Variants in CDH23 observed in about 807,000 individuals in gnomAD.
The protein encoded by CDH23 is cadherin related 23, also known as cadherin-23.
A neutral mutation model predicts 317.1 loss-of-function variants in CDH23; 189 were observed. The observed-to-expected ratio is 0.60, with a 90% CI of 0.53 to 0.67. The LOEUF is 0.67. CDH23 is among the 30% of genes least tolerant of loss of function. The pLI, the probability that CDH23 is intolerant of heterozygous loss-of-function variation, is 0.00. For missense variants in CDH23, 4,401 were observed against 4,592.4 expected (o/e 0.96, Z 1.20); for synonymous variants, 1,839 against 1,876.8 (o/e 0.98, Z 0.52).
rs116129178 is a variant in CDH23, at chr10:71,631,444, G to A, written c.1135-12417G>A. ...CAAGAGGGAGCACTGATGACAGGAGGAAGATTGAGGCGAAGGAGGGAGTGG... is the reference window on the plus strand; with the variant it reads ...CAAGAGGGAGCACTGATGACAGGAGAAAGATTGAGGCGAAGGAGGGAGTGG... On this transcript the variant is annotated intron_variant, in intron 11 of 69. Transcript: ENST00000224721. 6.5e-3 allele frequency among the ~76,000 whole-genome samples: 984 copies of A among 152,338 alleles called. 2 individuals carry two copies. The highest frequency in any genetic ancestry group is 0.022 in the African/African-American group (931 of 41,582).
chr10:71,538,142 G>A (rs950316513), intron 6 of CDH23, among the ~76,000 whole-genome samples: 18 of 152,140 alleles, frequency 1.2e-4, no homozygotes, highest in Admixed American at 2.0e-4. Flanking sequence ...GGCCCTACCC[G>A]CCCCCACCAG....
chr10:71,579,444 C>T lies in CDH23; in HGVS notation c.832+1452C>T, dbSNP rs375139719. Reference sequence around the variant, plus strand: ...ACAGGACCTGGTGTAGCGTAAACCCCGATATGTACTTGCAAAATGAATGAA... The same window carrying T: ...ACAGGACCTGGTGTAGCGTAAACCCTGATATGTACTTGCAAAATGAATGAA... On this transcript the variant is annotated intron_variant, in intron 9 of 69. Transcript: ENST00000224721. Among the ~76,000 whole-genome samples, 8 of 152,094 alleles carry T rather than the reference C, an allele frequency of 5.3e-5. No homozygotes were observed. In the East Asian group the frequency reaches 1.2e-3, roughly 22 times the overall value.
intron 9 of CDH23, among the ~76,000 whole-genome samples, chr10:71,591,552 A>T (rs1032352079): frequency 5.9e-5 from 9 of 152,206 alleles, no homozygotes; most frequent in African/African-American, 2.2e-4. Flanking sequence ...ATGGCTGATG[A>T]ACTGGTTCTC....
chr10:71,615,255 G>A (rs1321954723), intron 9 of CDH23, among the ~76,000 whole-genome samples: 3 of 152,176 alleles, frequency 2.0e-5, no homozygotes, highest in African/African-American at 7.2e-5. Context: ...CCCTGGCTGG[G>A]TCACAGAGAC....
At chr10:71,790,695 T>C (rs1032863566) in intron 46 of CDH23, 31 of 501,004 alleles carry the variant, frequency 6.2e-5, no homozygotes, top group African/African-American at 5.6e-4. Context: ...CATCTCCCCA[T>C]GCGCAGGCCA....
At position 71,490,649 on chromosome 10, in the gene CDH23, G is replaced by A. The variant is rs117640791; in HGVS notation, c.146-19433G>A. 2.2e-4 allele frequency among the ~76,000 whole-genome samples: 34 copies of A among 152,358 alleles called. No homozygotes were observed. The East Asian group carries it at 6.5e-3, about 29-fold the overall frequency. On this transcript the variant is annotated intron_variant, in intron 3 of 69. Coordinates refer to ENST00000224721, the MANE Select transcript of CDH23 (RefSeq NM_022124.6). ...GGTCATTAGGGACAGCCAGGGCCTGGCTCAGAACAGGCCACCCTGATATCT... is the reference window on the plus strand; with the variant it reads ...GGTCATTAGGGACAGCCAGGGCCTGACTCAGAACAGGCCACCCTGATATCT...
At chr10:71,563,742 T>A (rs1263925355) in intron 6 of CDH23, among the ~76,000 whole-genome samples, 1 of 151,518 alleles carries the variant, frequency 6.6e-6, no homozygotes, top group Non-Finnish European at 1.5e-5. Flanking sequence ...TTTTTTTCTT[T>A]TTTCTTTTTT....
chr10:71,807,597 C>A lies in CDH23; in HGVS notation c.8390C>A (p.Ala2797Asp), dbSNP rs370532702. 1 of 1,614,002 alleles carries A rather than the reference C, an allele frequency of 6.2e-7. No individual in the cohort carries two copies. The highest frequency in any genetic ancestry group is 8.5e-7 in the Non-Finnish European group (1 of 1,179,878). ...CGGGACCTGGACCGGGAGCGAGAAG[C>A]CATCTTCTCCTTCATCGTCAAGGCC... ...VLRDLDREREAIFSFIVKASS... is the reference protein window; with the variant it reads ...VLRDLDREREDIFSFIVKASS... Residue 2797 changes from alanine (A) to aspartate (D), a missense_variant, in exon 59 of 70, where the codon GCC (alanine) becomes GAC (aspartate). Physicochemically the swap from Ala to Asp is moderately radical, Grantham distance 126. Around this residue, in one of 3 missense-constraint regions of CDH23, gnomAD observed 1,144 missense variants for 1,138.2 expected, o/e 1.01. Transcript: ENST00000224721.
intron 6 of CDH23, among the ~76,000 whole-genome samples, chr10:71,528,553 G>C (rs535695955): frequency 1.3e-5 from 2 of 152,252 alleles, no homozygotes; most frequent in African/African-American, 4.8e-5. Flanking sequence ...CCTCATCGGA[G>C]CGTTATGATA....
chr10:71,702,098 GC>G lies in CDH23; in HGVS notation c.2476del (p.Leu826SerfsTer27), dbSNP rs1865609793. The G allele has an allele frequency of 6.8e-6, 11 of 1,613,982 alleles. No homozygotes were observed. Among genetic ancestry groups the G allele is most frequent in the Non-Finnish European group, 9.3e-6 (11 of 1,179,894 alleles). On this transcript the variant is annotated frameshift_variant, in exon 23 of 70. Coordinates refer to ENST00000224721, the MANE Select transcript of CDH23 (RefSeq NM_022124.6). LOFTEE classifies it high-confidence loss of function. The part of the protein sequence containing the change: ...YSIQPPNKFY[S>X]LNSTTGKIRT... ...ATCCAGCCACCCAACAAGTTCTACA[GC>G]CTCAACAGCACCACGGGCAAGATCC...
chr10:71,739,991 A>T (rs550206441), intron 36 of CDH23, among the ~76,000 whole-genome samples: 1 of 152,190 alleles, frequency 6.6e-6, no homozygotes, highest in Non-Finnish European at 1.5e-5. Flanking sequence ...GATACCCAGG[A>T]GGAGGTAGTT....
intron 11 of CDH23, among the ~76,000 whole-genome samples, chr10:71,625,495 T>C (rs1589274218): frequency 7.5e-6 from 1 of 132,562 alleles, no homozygotes; most frequent in Non-Finnish European, 1.6e-5. Flanking sequence ...GGGGTGGAGG[T>C]GAGAAGGGGA....
At chr10:71,492,181 C>G (rs1386680956) in intron 3 of CDH23, among the ~76,000 whole-genome samples, 1 of 152,186 alleles carries the variant, frequency 6.6e-6, no homozygotes, top group Non-Finnish European at 1.5e-5. Context: ...GGGCCAATCT[C>G]TGGGCAGCCC....
At chr10:71,441,631 A>G (rs1849884566) in intron 2 of CDH23, among the ~76,000 whole-genome samples, 1 of 152,112 alleles carries the variant, frequency 6.6e-6, no homozygotes, top group Non-Finnish European at 1.5e-5. Flanking sequence ...CTGAGGCACA[A>G]GAATCGCTGG....
chr10:71,555,885 G>T (rs907028247), intron 6 of CDH23, among the ~76,000 whole-genome samples: 1 of 152,214 alleles, frequency 6.6e-6, no homozygotes, highest in Non-Finnish European at 1.5e-5. Context: ...TGCATGGGGT[G>T]AGGGAGAGGG....
At chr10:71,781,479 G>A (rs1269194790) in intron 41 of CDH23, among the ~76,000 whole-genome samples, 1 of 152,192 alleles carries the variant, frequency 6.6e-6, no homozygotes, top group Non-Finnish European at 1.5e-5. Flanking sequence ...TGGTGGAGAG[G>A]CAGGTGCTGG....
intron 22 of CDH23, 40 bp from the exon 23 acceptor site, chr10:71,701,982 A>C: frequency 6.2e-7 from 1 of 1,602,458 alleles, no homozygotes; most frequent in Non-Finnish European, 8.5e-7. Context: ...CACCCTCCCC[A>C]GGCGCGGCTC....
At chr10:71,488,249 T>G (rs1252513451) in intron 3 of CDH23, among the ~76,000 whole-genome samples, 1 of 152,184 alleles carries the variant, frequency 6.6e-6, no homozygotes, top group Non-Finnish European at 1.5e-5. Context: ...AGGCATTTAC[T>G]AAGAGAAAGG....
chr10:71,404,095 A>AAAAT (rs529984870), intron 1 of CDH23, among the ~76,000 whole-genome samples: 161 of 152,326 alleles, frequency 1.1e-3, no homozygotes, highest in Middle Eastern at 6.8e-3. Flanking sequence ...CTGTCTCAAA[A>AAAAT]AAATAAATAA....
Sources: gnomAD v4.1 joint callset for allele counts (sites outside exome capture counted in the v4.1 genomes callset) on GRCh38, gnomAD v4.1.1 for gene constraint, gnomAD v4.1.1 regional missense constraint, MANE v1.5 for transcripts, NCBI Gene and HGNC (gene_info 2026-07-23, HGNC 2026-07-21) for gene names.